The following OR9Q1 variants were observed in gnomAD, a reference collection of about 807,000 sequenced individuals.
The protein encoded by OR9Q1 is olfactory receptor 9Q1.
For missense variants in OR9Q1, 374 were observed against 378.8 expected (o/e 0.99, Z 0.11); for synonymous variants, 153 against 148.6 (o/e 1.03, Z -0.22).
At chr11:58,096,337 GC>G (rs1003495271) in intron 2 of OR9Q1, among the ~76,000 whole-genome samples, 8 of 152,090 alleles carry the variant, frequency 5.3e-5, no homozygotes, top group African/African-American at 1.7e-4. Context: ...AAAGATTTCT[GC>G]ACTCCAGAAA....
rs552963756 is a variant in OR9Q1 at position 58,160,364 on chromosome 11, A to G, written c.-14-19067A>G. Reference sequence around the variant, plus strand: ...ATTACGAAGTGATAGATAACTACAGATTGAATGTGGGCTATAGGAGGAAAA... The same window carrying G: ...ATTACGAAGTGATAGATAACTACAGGTTGAATGTGGGCTATAGGAGGAAAA... On this transcript the variant is annotated intron_variant, in intron 2 of 2. Coordinates refer to ENST00000335397, the MANE Select transcript of OR9Q1 (RefSeq NM_001005212.4). Among the ~76,000 whole-genome samples, 4 of 152,348 alleles carry G rather than the reference A, an allele frequency of 2.6e-5. No individual in the cohort carries two copies. In the East Asian group the frequency reaches 7.7e-4, roughly 29 times the overall value.
intron 2 of OR9Q1, among the ~76,000 whole-genome samples, chr11:58,175,414 C>T (rs371520766): frequency 1.3e-5 from 2 of 152,002 alleles, no homozygotes; most frequent in African/African-American, 4.8e-5. Context: ...CTCTTCTGTC[C>T]GAACTGACAA....
intron 1 of OR9Q1, among the ~76,000 whole-genome samples, chr11:58,033,645 T>C (rs143415923): frequency 4.3e-4 from 66 of 152,284 alleles, no homozygotes; most frequent in African/African-American, 1.4e-3. Context: ...AAAAACTGCC[T>C]GTTGGGTACT....
intron 1 of OR9Q1, among the ~76,000 whole-genome samples, chr11:58,025,686 A>G (rs972623709): frequency 6.6e-6 from 1 of 152,150 alleles, no homozygotes; most frequent in Non-Finnish European, 1.5e-5. Flanking sequence ...TGGGTTAGGC[A>G]TTGCCTCCCA....
chr11:58,160,438 T>TTTG (rs138422584), intron 2 of OR9Q1, among the ~76,000 whole-genome samples: 6,352 of 150,162 alleles, frequency 0.042, 339 homozygotes, highest in African/African-American at 0.12. Flanking sequence ...GAGTAGAATA[T>TTTG]TTGTTGTTGT....
At chr11:58,131,898 G>T (rs2514175) in intron 2 of OR9Q1, among the ~76,000 whole-genome samples, 150,798 of 152,270 alleles carry the variant, frequency 0.99, 74,688 homozygotes, top group East Asian at 1. Context: ...AGTATAAAAA[G>T]GCAATATAAA....
chr11:58,072,566 G>T lies in OR9Q1; in HGVS notation c.-15+16619G>T, dbSNP rs145219433. 4.5e-3 allele frequency: 692 copies of T among 154,462 alleles called. 1 individual carries two copies. Among genetic ancestry groups the T allele is most frequent in the Non-Finnish European group, 6.8e-3 (467 of 68,514 alleles). 9.6% of individuals were successfully genotyped at this position (154,462 alleles called of 1,614,324 possible). On this transcript the variant is annotated intron_variant, in intron 2 of 2. Coordinates refer to ENST00000335397, the MANE Select transcript of OR9Q1 (RefSeq NM_001005212.4). ...AAGCACCTTGATGTGTGGCTGAAAA[G>T]CTTCTGCTTACAGTTGCTAATGAGC... is the stretch of plus-strand genomic sequence containing the variant.
chr11:58,033,940 C>T (rs1057323395), intron 1 of OR9Q1, among the ~76,000 whole-genome samples: 3 of 151,968 alleles, frequency 2.0e-5, no homozygotes, highest in Non-Finnish European at 4.4e-5. Flanking sequence ...TGGCAAGAGT[C>T]CACAGTGAGT....
intron 1 of OR9Q1, 69 bp from the exon 2 acceptor site, chr11:58,055,801 A>T (rs974510645): frequency 3.7e-5 from 1 of 27,378 alleles, no homozygotes; most frequent in African/African-American, 1.4e-4. Context: ...CTCTATCTCT[A>T]AAAAAAAAAA....
At chr11:58,122,429 C>T (rs4939183) in intron 2 of OR9Q1, among the ~76,000 whole-genome samples, 58,352 of 152,046 alleles carry the variant, frequency 0.38, 12,330 homozygotes, top group East Asian at 0.67. Context: ...TTCCCTTCAA[C>T]ATGGACTTCG....
chr11:58,089,092 G>A (rs1359668487), intron 2 of OR9Q1, among the ~76,000 whole-genome samples: 1 of 151,654 alleles, frequency 6.6e-6, no homozygotes, highest in East Asian at 1.9e-4. Flanking sequence ...TGGCCAGACT[G>A]ATCTCGAAAT....
At chr11:58,104,709 A>T (rs1448390625) in intron 2 of OR9Q1, among the ~76,000 whole-genome samples, 1 of 152,128 alleles carries the variant, frequency 6.6e-6, no homozygotes, top group Non-Finnish European at 1.5e-5. Context: ...CTATGTGACT[A>T]GTTTTAACCA....
At chr11:58,161,297 T>C (rs535738830) in intron 2 of OR9Q1, among the ~76,000 whole-genome samples, 1 of 150,398 alleles carries the variant, frequency 6.6e-6, no homozygotes, top group African/African-American at 2.4e-5. Flanking sequence ...ACATTTAAAC[T>C]TGGGAACTGT....
chr11:58,056,604 T>C (rs541320671), intron 2 of OR9Q1, among the ~76,000 whole-genome samples: 1 of 152,374 alleles, frequency 6.6e-6, no homozygotes, highest in Admixed American at 6.5e-5. Context: ...TTGTGGATTT[T>C]CTATGGCTGC....
At chr11:58,140,473 A>C (rs2119865862) in intron 2 of OR9Q1, among the ~76,000 whole-genome samples, 1 of 152,246 alleles carries the variant, frequency 6.6e-6, no homozygotes. Flanking sequence ...ATAAGGTGTA[A>C]GGAAGGAATC....
At chr11:58,118,692 G>A (rs773458622) in intron 2 of OR9Q1, 3 of 1,614,096 alleles carry the variant, frequency 1.9e-6, no homozygotes, top group Non-Finnish European at 2.5e-6. Context: ...GGGCTCCAAA[G>A]AAAAGGGCCA....
At chr11:58,043,566 T>G (rs2119946098) in intron 1 of OR9Q1, among the ~76,000 whole-genome samples, 1 of 152,318 alleles carries the variant, frequency 6.6e-6, no homozygotes, top group Non-Finnish European at 1.5e-5. Flanking sequence ...GCATCACAAT[T>G]GATGCTGAAA....
At chr11:58,164,659 G>A (rs561394899) in intron 2 of OR9Q1, among the ~76,000 whole-genome samples, 2 of 152,210 alleles carry the variant, frequency 1.3e-5, no homozygotes, top group South Asian at 4.2e-4. Context: ...TGCTGCCCAG[G>A]TGCTTTCAGC....
Position 58,177,520 on chromosome 11 carries a change from A to G in OR9Q1, c.-14-1911A>G, listed in dbSNP as rs150161822. 5.9e-5 allele frequency among the ~76,000 whole-genome samples: 9 copies of G among 152,330 alleles called. No homozygotes were observed. In the East Asian group the frequency reaches 7.7e-4, roughly 13 times the overall value. On this transcript the variant is annotated intron_variant, in intron 2 of 2. Transcript: ENST00000335397. ...TTAGAATAGTGTTTATCTGTTTTCT[A>G]TTATTAAGGACAATATCAGTTCTTA...
Sources: gnomAD v4.1 joint callset for allele counts (sites outside exome capture counted in the v4.1 genomes callset) on GRCh38, gnomAD v4.1.1 for gene constraint, MANE v1.5 for transcripts, NCBI Gene and HGNC (gene_info 2026-07-23, HGNC 2026-07-21) for gene names.